Variants in COL24A1 observed in about 807,000 individuals in gnomAD.
COL24A1 encodes collagen alpha-1(XXIV) chain.
COL24A1 carries 224 observed loss-of-function variants against 253.9 expected under a neutral mutation model. The ratio of observed to expected loss-of-function variants is 0.88; its 90% CI spans 0.79 to 0.99. The LOEUF is 0.99. Among genes scored for constraint, COL24A1 ranks in the 50% least tolerant of loss-of-function variants. COL24A1 has a pLI of 0.00. For missense variants in COL24A1, 2,131 were observed against 2,068.5 expected (o/e 1.03, Z -0.59); for synonymous variants, 685 against 673.7 (o/e 1.02, Z -0.26).
At chr1:86,048,226 T>A (rs776140877) in intron 11 of COL24A1, among the ~76,000 whole-genome samples, 1 of 152,324 alleles carries the variant, frequency 6.6e-6, no homozygotes, top group African/African-American at 2.4e-5. Context: ...TACATATGTG[T>A]ATACACACAA....
intron 11 of COL24A1, 66 bp downstream of exon 11, chr1:86,050,058 G>A (rs893566843): frequency 2.2e-6 from 3 of 1,355,320 alleles, no homozygotes; most frequent in Admixed American, 3.7e-5. Context: ...CTGATTTTAT[G>A]ACCCCCATTG....
intron 2 of COL24A1, among the ~76,000 whole-genome samples, chr1:86,137,009 G>A (rs528638239): frequency 6.6e-6 from 1 of 152,066 alleles, no homozygotes; most frequent in Admixed American, 6.6e-5. Context: ...AATGGGGGTG[G>A]GCAAGAGAAG....
rs922646795 is a variant in COL24A1, at chr1:85,943,164, G to A, written c.2562+18085C>T. 1.1e-4 allele frequency among the ~76,000 whole-genome samples: 16 copies of A among 152,276 alleles called. 1 individual carries two copies. The highest frequency in any genetic ancestry group is 7.8e-4 in the Admixed American group (12 of 15,298). On this transcript the variant is annotated intron_variant, in intron 24 of 59. Transcript: ENST00000370571. ...CTTGGACATTAGAATTCCAGGGCAT[G>A]CCAGCTTTTGGACTCCAGGACTTAC... is the stretch of plus-strand genomic sequence containing the variant.
In COL24A1 at chr1:85,822,413, A is replaced by G. The variant is rs74665595; in HGVS notation, c.3789+1123T>C. ...CTTAAGAATTTAATTTGAAATCAATAGCATGTGAAGTCAGAATGCCTGAAA... is the reference window on the plus strand; with the variant it reads ...CTTAAGAATTTAATTTGAAATCAATGGCATGTGAAGTCAGAATGCCTGAAA... On this transcript the variant is annotated intron_variant, in intron 45 of 59. Coordinates refer to ENST00000370571, the MANE Select transcript of COL24A1 (RefSeq NM_152890.7). 3.3e-3 allele frequency among the ~76,000 whole-genome samples: 506 copies of G among 152,338 alleles called. 2 individuals carry two copies. Among genetic ancestry groups the G allele is most frequent in the African/African-American group, 0.011 (477 of 41,572 alleles).
At chr1:85,786,294 A>G in intron 48 of COL24A1, 60 bp downstream of exon 48, 1 of 1,431,498 alleles carries the variant, frequency 7.0e-7, no homozygotes, top group Non-Finnish European at 9.7e-7. Context: ...TAGCCAATGA[A>G]CTCAGGGCCA....
chr1:86,108,641 A>C (rs1705235171), intron 5 of COL24A1, among the ~76,000 whole-genome samples: 1 of 147,652 alleles, frequency 6.8e-6, no homozygotes, highest in African/African-American at 2.5e-5. Flanking sequence ...AAAAAAAAAA[A>C]AAAAAAAAAT....
rs769748802 is a variant in COL24A1 at position 85,849,405 on chromosome 1, C to G, written c.3302G>C (p.Gly1101Ala). The G allele has an allele frequency of 9.9e-6, 16 of 1,609,744 alleles. No homozygotes were observed. The highest frequency in any genetic ancestry group is 2.7e-5 in the African/African-American group (2 of 74,748). ...LGRSGQTGLP[G>A]PEGIVGIPGQ... ...TGGAATTCCCACAATTCCTTCAGGT[C>G]CCTAAAATATTCAATATAAAAAAGG... is the stretch of plus-strand genomic sequence containing the variant. The change falls in exon 38 of 60, where the codon GGA (glycine) becomes GCA (alanine). Residue 1101 changes from glycine (G) to alanine (A), a missense_variant and splice_region_variant. By Grantham distance (60) the Gly-to-Ala change is moderately conservative. Coordinates refer to ENST00000370571, the MANE Select transcript of COL24A1 (RefSeq NM_152890.7).
At chr1:85,953,207 TC>T (rs1690093554) in intron 24 of COL24A1, among the ~76,000 whole-genome samples, 1 of 152,226 alleles carries the variant, frequency 6.6e-6, no homozygotes, top group Non-Finnish European at 1.5e-5. Context: ...CAAACTAGCT[TC>T]AGGGGAAGTC....
rs763314650 is a variant in COL24A1, at chr1:85,823,719, C to G, written c.3701G>C (p.Gly1234Ala). The change falls in exon 44 of 60, where the codon GGA becomes GCA. Residue 1234 changes from glycine to alanine, a missense_variant. Gly to Ala is a moderately conservative substitution (Grantham distance 60). Coordinates refer to ENST00000370571, the MANE Select transcript of COL24A1 (RefSeq NM_152890.7). ...TTGTTGTCCAGTGGCACCTCTTAGT[C>G]CTGGTACACCCACATGGCCCTAGAA... ...EGYKGHVGVP[G>A]LRGATGQQGP... 1 of 1,613,702 alleles carries G rather than the reference C, an allele frequency of 6.2e-7. No individual in the cohort carries two copies. The highest frequency in any genetic ancestry group is 1.7e-5 in the Admixed American group (1 of 59,994).
intron 58 of COL24A1, among the ~76,000 whole-genome samples, chr1:85,735,196 G>A (rs1446592373): frequency 6.6e-6 from 1 of 152,120 alleles, no homozygotes; most frequent in Non-Finnish European, 1.5e-5. Flanking sequence ...CCAAAGTGCT[G>A]GGATTACAGG....
intron 22 of COL24A1, among the ~76,000 whole-genome samples, chr1:85,966,919 C>A (rs964875813): frequency 6.6e-6 from 1 of 152,010 alleles, no homozygotes. Context: ...GAAACTGACA[C>A]CAAAAAAGTT....
chr1:85,774,366 A>G (rs1668306666), intron 53 of COL24A1, among the ~76,000 whole-genome samples: 1 of 152,168 alleles, frequency 6.6e-6, no homozygotes, highest in Admixed American at 6.6e-5. Flanking sequence ...CTTTAGTATC[A>G]GGATGATGCT....
intron 7 of COL24A1, among the ~76,000 whole-genome samples, chr1:86,076,905 G>C (rs1571845685): frequency 6.6e-6 from 1 of 152,174 alleles, no homozygotes; most frequent in African/African-American, 2.4e-5. Context: ...AGAAAGCCTA[G>C]GCAATACCAT....
rs1457100383 is a variant in COL24A1 at position 86,156,486 on chromosome 1, G to C, written c.-90C>G. The C allele has an allele frequency of 8.5e-7, 1 of 1,181,840 alleles. No homozygotes were observed. Among genetic ancestry groups the C allele is most frequent in the Non-Finnish European group, 1.2e-6 (1 of 862,492 alleles). 73.2% of individuals were successfully genotyped at this position (1,181,840 alleles called of 1,614,324 possible). A position where few individuals can be genotyped will look rare whatever the true frequency, so the allele number is the denominator to read the frequency against. ...GGGTGCAGGTACTGTCCATGAAAAA[G>C]GGAAAAAACAATCACATGAAAACCA... On this transcript the variant is annotated 5_prime_UTR_variant, in exon 1 of 60. Transcript: ENST00000370571.
rs1306015406 is a variant in COL24A1, at chr1:85,730,557, A to C, written c.5134T>G (p.Cys1712Gly). 1.2e-6 allele frequency: 2 copies of C among 1,613,804 alleles called. No individual in the cohort carries two copies. Among genetic ancestry groups the C allele is most frequent in the South Asian group, 1.1e-5 (1 of 91,062 alleles). The stretch of plus-strand genomic sequence containing the variant: ...CTAATTCAGAGACTTTACAGAAAGC[A>C]TACAGAACTGCTGTCAATGTAATAC... The part of the protein sequence containing the change: ...RKYYIDSSSV[C>G]FL The change falls in exon 60 of 60, where the codon TGC becomes GGC. Residue 1712 changes from cysteine (C) to glycine (G), a missense_variant. Physicochemically the swap from Cys to Gly is radical, Grantham distance 159. Coordinates refer to ENST00000370571, the MANE Select transcript of COL24A1 (RefSeq NM_152890.7).
At chr1:86,126,469 T>A (rs115355688) in intron 2 of COL24A1, among the ~76,000 whole-genome samples, 1 of 151,914 alleles carries the variant, frequency 6.6e-6, no homozygotes, top group African/African-American at 2.4e-5. Context: ...ACTTATTTAT[T>A]ATTAGTTTAT....
chr1:85,945,000 G>T (rs1399490550), intron 24 of COL24A1, among the ~76,000 whole-genome samples: 49 of 36,074 alleles, frequency 1.4e-3, no homozygotes, highest in Admixed American at 3.3e-3. Flanking sequence ...GTCTATCATT[G>T]TGTTTTTTTT....
At chr1:85,834,143 A>T (rs897648136) in intron 43 of COL24A1, among the ~76,000 whole-genome samples, 1 of 152,196 alleles carries the variant, frequency 6.6e-6, no homozygotes, top group East Asian at 1.9e-4. Flanking sequence ...AAAAAAGTAA[A>T]TACAAAAAAA....
intron 47 of COL24A1, among the ~76,000 whole-genome samples, chr1:85,787,511 C>A (rs1480180904): frequency 6.6e-6 from 1 of 152,150 alleles, no homozygotes; most frequent in Non-Finnish European, 1.5e-5. Context: ...TGGCTTCCAG[C>A]TCCATCTATA....
Sources: allele counts gnomAD v4.1 joint callset (sites outside exome capture counted in the v4.1 genomes callset), GRCh38; gene constraint gnomAD v4.1.1; transcripts MANE v1.5; gene names NCBI Gene and HGNC (gene_info 2026-07-23, HGNC 2026-07-21).